The following NREP variants were observed in gnomAD, a reference collection of about 807,000 sequenced individuals.
The protein encoded by NREP is neuronal regeneration related protein.
In NREP, 5 loss-of-function variants were observed where a neutral mutation model predicts 8.6. The ratio of observed to expected loss-of-function variants is 0.58; its 90% CI spans 0.30 to 1.22. The LOEUF (loss-of-function observed/expected upper bound fraction) is 1.22. Among genes scored for constraint, NREP ranks in the 50% most tolerant of loss-of-function variants. The pLI, the probability that NREP is intolerant of heterozygous loss-of-function variation, is 0.07. For missense variants in NREP, 86 were observed against 82.5 expected (o/e 1.04, Z -0.17); for synonymous variants, 27 against 28.0 (o/e 0.96, Z 0.11).
chr5:111,941,725 T>A (rs1036431835), intron 2 of NREP, among the ~76,000 whole-genome samples: 1 of 152,080 alleles, frequency 6.6e-6, no homozygotes. Flanking sequence ...AGGAATGGGA[T>A]TGATAATAAA....
At position 111,959,572 on chromosome 5, in the gene NREP, T is replaced by C. The variant is rs1440526604; in HGVS notation, c.135+15702A>G. 2.0e-5 allele frequency among the ~76,000 whole-genome samples: 3 copies of C among 152,054 alleles called. No individual in the cohort carries two copies. In the East Asian group the frequency reaches 5.8e-4, roughly 29 times the overall value. ...AACTTAGTATCCAGAATATATATTT[T>C]TGTAAAACTTCAGAAAATCAAATTA... On this transcript the variant is annotated intron_variant, in intron 2 of 3. Coordinates refer to the NREP transcript ENST00000395634.
At chr5:111,925,851 G>T (rs1403291428) in intron 2 of NREP, among the ~76,000 whole-genome samples, 1 of 152,144 alleles carries the variant, frequency 6.6e-6, no homozygotes, top group African/African-American at 2.4e-5. Context: ...AGGGTTTTCA[G>T]GGGGTATTGC....
intron 2 of NREP, among the ~76,000 whole-genome samples, chr5:111,841,527 T>C (rs558836700): frequency 6.6e-6 from 1 of 152,282 alleles, no homozygotes; most frequent in East Asian, 1.9e-4. Context: ...TCTGATACAC[T>C]GTGATACGGT....
At chr5:111,910,459 C>T (rs1561722590) in intron 2 of NREP, among the ~76,000 whole-genome samples, 1 of 151,610 alleles carries the variant, frequency 6.6e-6, no homozygotes, top group Non-Finnish European at 1.5e-5. Flanking sequence ...GTTCTCACAA[C>T]CAAAAAGGCC....
chr5:111,780,494 T>A (rs1248715139), intron 2 of NREP, among the ~76,000 whole-genome samples: 2 of 152,146 alleles, frequency 1.3e-5, no homozygotes, highest in East Asian at 3.9e-4. Context: ...TTGGCTACAA[T>A]GTAAATCCCA....
intron 2 of NREP, among the ~76,000 whole-genome samples, chr5:111,769,551 TATTCATCTGTCTTC>T (rs762772235): frequency 1.6e-4 from 25 of 152,220 alleles, no homozygotes; most frequent in Non-Finnish European, 3.1e-4. Context: ...GAGTGGGGTG[TATTCATCTGTCTTC>T]ATACTGCTGT....
chr5:111,948,442 G>A (rs2112629515), intron 2 of NREP, among the ~76,000 whole-genome samples: 1 of 152,190 alleles, frequency 6.6e-6, no homozygotes, highest in South Asian at 2.1e-4. Context: ...ATACATATAA[G>A]AGAAACACTT....
At chr5:111,910,910 C>T (rs1169902557) in intron 2 of NREP, among the ~76,000 whole-genome samples, 1 of 152,074 alleles carries the variant, frequency 6.6e-6, no homozygotes, top group African/African-American at 2.4e-5. Context: ...CCTACTGCTC[C>T]AGCCCCTTCT....
At chr5:111,758,459 A>G (rs1750869189), upstream of NREP, among the ~76,000 whole-genome samples, 1 of 152,230 alleles carries the variant, frequency 6.6e-6, no homozygotes, top group South Asian at 2.1e-4. Context: ...TTTCATAGTA[A>G]TGTAATAGCT....
At chr5:111,901,147 A>G (rs1048825535) in intron 2 of NREP, among the ~76,000 whole-genome samples, 4 of 152,174 alleles carry the variant, frequency 2.6e-5, no homozygotes, top group Non-Finnish European at 5.9e-5. Flanking sequence ...TTACAAGATG[A>G]TTATGAAGTT....
At chr5:111,935,447 G>C (rs1444539752) in intron 2 of NREP, among the ~76,000 whole-genome samples, 2 of 152,042 alleles carry the variant, frequency 1.3e-5, no homozygotes, top group Non-Finnish European at 2.9e-5. Flanking sequence ...ATGTACCCCT[G>C]CAGGGAGGCA....
At position 111,975,303 on chromosome 5, in the gene NREP, C is replaced by A. The variant is rs185958270; in HGVS notation, c.106G>T (p.Val36Phe). ...TTCAGAACAGAAATCTGGCAGTGAACCTGGAAACATTTGGAACAAGGGACT... is the reference window on the plus strand; with the variant it reads ...TTCAGAACAGAAATCTGGCAGTGAAACTGGAAACATTTGGAACAAGGGACT... Residue 36 changes from valine (V) to phenylalanine (F), a missense_variant, in exon 2 of 4, where the codon GTT becomes TTT. By Grantham distance (50) the Val-to-Phe change is conservative (BLOSUM62 -1). Transcript: ENST00000395634. 27 of 1,551,530 alleles carry A rather than the reference C, an allele frequency of 1.7e-5. No individual in the cohort carries two copies. Among genetic ancestry groups the A allele is most frequent in the Non-Finnish European group, 2.3e-5 (26 of 1,146,880 alleles).
At chr5:111,842,793 G>A (rs1561689675) in intron 2 of NREP, among the ~76,000 whole-genome samples, 1 of 152,138 alleles carries the variant, frequency 6.6e-6, no homozygotes, top group Non-Finnish European at 1.5e-5. Context: ...GCTTTTCTGA[G>A]AAAGTCGTTA....
At chr5:111,848,915 G>C (rs1753244800) in intron 2 of NREP, among the ~76,000 whole-genome samples, 1 of 152,142 alleles carries the variant, frequency 6.6e-6, no homozygotes, top group African/African-American at 2.4e-5. Flanking sequence ...ATAAATGATA[G>C]CTTTGGGGTC....
intron 2 of NREP, among the ~76,000 whole-genome samples, chr5:111,911,106 G>C (rs1272511686): frequency 3.3e-5 from 5 of 152,080 alleles, no homozygotes; most frequent in Admixed American, 2.6e-4. Context: ...CCTGCACCCA[G>C]TGTTTTGGAT....
chr5:111,931,330 T>C (rs1257612203), intron 2 of NREP, among the ~76,000 whole-genome samples: 1 of 152,088 alleles, frequency 6.6e-6, no homozygotes, highest in African/African-American at 2.4e-5. Flanking sequence ...CAGTGTGGCT[T>C]CCTCTTTAGT....
intron 2 of NREP, among the ~76,000 whole-genome samples, chr5:111,819,728 T>G (rs1371898011): frequency 1.3e-5 from 2 of 152,232 alleles, no homozygotes; most frequent in East Asian, 3.8e-4. Flanking sequence ...TATACATTGT[T>G]GATACATTAC....
chr5:111,970,819 C>A, intron 2 of NREP, among the ~76,000 whole-genome samples: 1 of 104,084 alleles, frequency 9.6e-6, no homozygotes, highest in African/African-American at 3.6e-5. Flanking sequence ...AAGCAAGACT[C>A]CATCTCAAAA....
intron 2 of NREP, among the ~76,000 whole-genome samples, chr5:111,853,930 C>T (rs892151501): frequency 6.6e-6 from 1 of 152,100 alleles, no homozygotes; most frequent in South Asian, 2.1e-4. Context: ...TGCTCTTTCT[C>T]GTTTCATGAT....
Sources: allele counts gnomAD v4.1 joint callset (sites outside exome capture counted in the v4.1 genomes callset), GRCh38; gene constraint gnomAD v4.1.1; transcripts MANE v1.5; gene names NCBI Gene and HGNC (gene_info 2026-07-23, HGNC 2026-07-21).